Variants in DMD observed in about 807,000 individuals in gnomAD.
The protein encoded by DMD is mutant dystrophin.
DMD carries 63 observed loss-of-function variants against 330.1 expected under a neutral mutation model. That is an observed-to-expected ratio of 0.19 (90% CI 0.16 to 0.24). The LOEUF (loss-of-function observed/expected upper bound fraction) is 0.24. DMD is among the 10% of genes least tolerant of loss of function. DMD has a pLI of 1.00. For synonymous variants in DMD, 1,223 were observed against 959.8 expected (o/e 1.27, Z -5.07); for missense variants, 3,344 against 2,684.1 (o/e 1.25, Z -5.43).
chrX:32,650,318 C>T (rs1410370825), intron 9 of DMD, among the ~76,000 whole-genome samples: 1 of 111,941 alleles, frequency 8.9e-6, no homozygotes, highest in Non-Finnish European at 1.9e-5. Context: ...GCTTCAAGAA[C>T]ATTTGCAAAT....
intron 1 of DMD, among the ~76,000 whole-genome samples, chrX:33,290,138 C>T (rs2053491506): frequency 9.0e-6 from 1 of 111,608 alleles, no homozygotes; most frequent in African/African-American, 3.2e-5. Flanking sequence ...GTCTTCCTCA[C>T]CTTCATTTAA....
chrX:32,509,747 C>A (rs944675407), intron 18 of DMD, among the ~76,000 whole-genome samples: 1 of 111,926 alleles, frequency 8.9e-6, no homozygotes, highest in African/African-American at 3.3e-5. Context: ...CAGTTTTCCT[C>A]CAACTTCAGA....
At chrX:32,456,713 T>C (rs189348684) in intron 25 of DMD, among the ~76,000 whole-genome samples, 2 of 107,880 alleles carry the variant, frequency 1.9e-5, no homozygotes, top group Non-Finnish European at 3.9e-5. Context: ...GTGATAGATT[T>C]GATGTTCGGC....
chrX:31,369,238 C>T (rs1262042010), intron 60 of DMD, among the ~76,000 whole-genome samples: 4 of 112,287 alleles, frequency 3.6e-5, no homozygotes, highest in Non-Finnish European at 7.5e-5. Context: ...TGCCTTAGGG[C>T]AGGAGAAAAC....
In DMD at chrX:32,339,553, G is replaced by A. The variant is rs2038872; in HGVS notation, c.5922+2547C>T. On this transcript the variant is annotated intron_variant, in intron 41 of 78. Transcript: ENST00000357033. ...GGTCTGCATTCCTGTGTGGCTGGGC[G>A]CTGCCTCATGATTGTTCCCTCAAAG... Among the ~76,000 whole-genome samples the A allele has an allele frequency of 3.6e-3, 405 of 111,329 alleles. 2 individuals carry two copies. The highest frequency in any genetic ancestry group is 0.012 in the African/African-American group (375 of 30,686).
At chrX:31,791,946 T>C (rs1386904529) in intron 50 of DMD, among the ~76,000 whole-genome samples, 1 of 112,483 alleles carries the variant, frequency 8.9e-6, no homozygotes, top group African/African-American at 3.2e-5. Context: ...CCTTTGAGCA[T>C]TGTAAATCTT....
intron 4 of DMD, among the ~76,000 whole-genome samples, chrX:32,843,579 G>A (rs1418185719): frequency 8.9e-6 from 1 of 112,087 alleles, no homozygotes; most frequent in Admixed American, 9.5e-5. Flanking sequence ...CAGATAAGCT[G>A]AGCAACATTT....
At chrX:31,828,756 T>G (rs932345664) in intron 49 of DMD, among the ~76,000 whole-genome samples, 1 of 108,641 alleles carries the variant, frequency 9.2e-6, no homozygotes, top group Admixed American at 9.9e-5. Flanking sequence ...CAAAAAAAAG[T>G]CCAGGACCAG....
intron 44 of DMD, among the ~76,000 whole-genome samples, chrX:32,006,106 G>C (rs1040821569): frequency 1.8e-5 from 2 of 111,695 alleles, no homozygotes; most frequent in African/African-American, 3.3e-5. Flanking sequence ...GACTGACTCT[G>C]AAAGATCTTT....
intron 52 of DMD, among the ~76,000 whole-genome samples, chrX:31,719,404 C>A (rs1248917287): frequency 1.8e-5 from 2 of 112,145 alleles, no homozygotes; most frequent in Non-Finnish European, 3.8e-5. Flanking sequence ...TATCTCATAA[C>A]CAACTATTAG....
At chrX:32,721,066 TTGTG>T (rs113205688) in intron 7 of DMD, among the ~76,000 whole-genome samples, 4 of 108,847 alleles carry the variant, frequency 3.7e-5, no homozygotes, top group South Asian at 3.8e-4. Flanking sequence ...GGCTGAATAT[TTGTG>T]TGTGTGTGTG....
intron 62 of DMD, among the ~76,000 whole-genome samples, chrX:31,262,240 G>A (rs144806462): frequency 8.9e-6 from 1 of 111,770 alleles, no homozygotes; most frequent in East Asian, 2.8e-4. Flanking sequence ...CCCTCAAATT[G>A]TCATCTATTA....
chrX:32,502,260 T>C (rs1189995131), intron 18 of DMD, among the ~76,000 whole-genome samples: 1 of 111,276 alleles, frequency 9.0e-6, no homozygotes, highest in African/African-American at 3.3e-5. Flanking sequence ...GAATCCAGTA[T>C]GTATATAAGA....
chrX:32,973,430 T>A (rs1482771233), intron 2 of DMD, among the ~76,000 whole-genome samples: 1 of 111,927 alleles, frequency 8.9e-6, no homozygotes, highest in Admixed American at 9.5e-5. Flanking sequence ...GCAAGAGTAA[T>A]GTTTTGTGCC....
intron 2 of DMD, among the ~76,000 whole-genome samples, chrX:32,898,022 A>G (rs2085888118): frequency 8.9e-6 from 1 of 112,127 alleles, no homozygotes; most frequent in Non-Finnish European, 1.9e-5. Context: ...AATTGCTTTG[A>G]AGGATAATTG....
intron 7 of DMD, among the ~76,000 whole-genome samples, chrX:32,761,439 AGACTCAGTCCCCAGAAAAATG>A (rs2072278355): frequency 8.9e-6 from 1 of 112,183 alleles, no homozygotes; most frequent in South Asian, 3.7e-4. Context: ...TGGAGTAGAC[AGACTCAGTCCCCAGAAAAATG>A]GCCAATGTAA....
chrX:31,551,427 G>A (rs2074481195), intron 55 of DMD, among the ~76,000 whole-genome samples: 1 of 110,781 alleles, frequency 9.0e-6, no homozygotes. Context: ...AAGAGGACAT[G>A]GAAAGGATAC....
intron 44 of DMD, among the ~76,000 whole-genome samples, chrX:32,179,166 G>A (rs941159318): frequency 9.0e-6 from 1 of 111,083 alleles, no homozygotes. Context: ...TACATCTACA[G>A]AACACCTTTC....
intron 57 of DMD, among the ~76,000 whole-genome samples, chrX:31,482,074 T>C (rs143556423): frequency 0.015 from 1,713 of 111,290 alleles, 35 homozygotes; most frequent in African/African-American, 0.053. Flanking sequence ...CATGTTGCCC[T>C]AGGGGTAAGT....
Sources: gnomAD v4.1 joint callset for allele counts (sites outside exome capture counted in the v4.1 genomes callset) on GRCh38, gnomAD v4.1.1 for gene constraint, MANE v1.5 for transcripts, NCBI Gene and HGNC (gene_info 2026-07-23, HGNC 2026-07-21) for gene names.